GRK4: variants seen among roughly 807,000 people sequenced by gnomAD.
The protein encoded by GRK4 is G protein-coupled receptor kinase 2-like.
A neutral mutation model predicts 77.9 loss-of-function variants in GRK4; 73 were observed. The ratio of observed to expected loss-of-function variants is 0.94; its 90% CI spans 0.78 to 1.14. The LOEUF (loss-of-function observed/expected upper bound fraction) is 1.14, where lower values mean the gene tolerates loss of function less well. GRK4 is among the 50% of genes most tolerant of loss of function. The probability of loss-of-function intolerance (pLI) is 0.00; values close to 1 mark genes in which losing one functional copy is unlikely to be tolerated. For synonymous variants in GRK4, 257 were observed against 254.4 expected (o/e 1.01, Z -0.10); for missense variants, 729 against 700.2 (o/e 1.04, Z -0.46).
At chr4:3,015,814 C>T (rs1734292543) in intron 8 of GRK4, among the ~76,000 whole-genome samples, 1 of 151,892 alleles carries the variant, frequency 6.6e-6, no homozygotes, top group Non-Finnish European at 1.5e-5. Flanking sequence ...TGGCTCATGC[C>T]TGTCATTTCA....
intron 3 of GRK4, among the ~76,000 whole-genome samples, chr4:2,990,220 A>G (rs890570169): frequency 6.7e-6 from 1 of 149,596 alleles, no homozygotes; most frequent in Non-Finnish European, 1.5e-5. Flanking sequence ...TGTTGCTAGA[A>G]TAAGGTGATT....
At chr4:3,022,318 G>A (rs928212755) in intron 9 of GRK4, 96 bp from the exon 10 acceptor site, 56 of 1,212,124 alleles carry the variant, frequency 4.6e-5, no homozygotes, top group South Asian at 3.0e-4. Context: ...GTTTTGCCGC[G>A]CTAGCCCTTG....
Position 3,038,499 on chromosome 4 carries a change from C to A in GRK4, c.1669C>A (p.Leu557Ile). Residue 557 changes from leucine to isoleucine, a missense_variant, in exon 15 of 16, where the codon CTC becomes ATC. Leu to Ile is a conservative substitution (Grantham distance 5). Coordinates refer to ENST00000398052, the MANE Select transcript of GRK4 (RefSeq NM_182982.3). The stretch of plus-strand genomic sequence containing the variant: ...ACCAAACAGAGGCTTCTTCTATAGA[C>A]TCTTCAGAAGAGGGGTAAAAAGACT... ...SRPNRGFFYRLFRRGGCLTMV... is the reference protein window; with the variant it reads ...SRPNRGFFYRIFRRGGCLTMV... 1 of 1,613,332 alleles carries A rather than the reference C, an allele frequency of 6.2e-7. No individual in the cohort carries two copies. The highest frequency in any genetic ancestry group is 8.5e-7 in the Non-Finnish European group (1 of 1,179,912).
chr4:2,979,648 G>A (rs1031909375), intron 1 of GRK4, among the ~76,000 whole-genome samples: 26 of 152,176 alleles, frequency 1.7e-4, no homozygotes, highest in African/African-American at 6.3e-4. Context: ...AGTAGGCGGA[G>A]GTTGTGGTGA....
intron 1 of GRK4, among the ~76,000 whole-genome samples, chr4:2,975,838 TG>T (rs1214029832): frequency 6.6e-6 from 1 of 152,190 alleles, no homozygotes; most frequent in Non-Finnish European, 1.5e-5. Context: ...AATTTATAGG[TG>T]GCCATTGGTT....
In GRK4 at chr4:3,009,710, A is replaced by T. The variant is rs1167880664; in HGVS notation, c.599A>T (p.Glu200Val). The change falls in exon 7 of 16, where the codon GAG becomes GTG. Residue 200 changes from glutamate (E) to valine (V), a missense_variant and splice_region_variant. Transcript: ENST00000398052. ...YRVLGKGGFG[E>V]VCACQVRATG... ...GTTCTAGGAAAAGGCGGATTTGGAG[A>T]GGTGAGTAACGGGAGCCAGTTCATA... 1 of 1,613,190 alleles carries T rather than the reference A, an allele frequency of 6.2e-7. No individual in the cohort carries two copies. Among genetic ancestry groups the T allele is most frequent in the Non-Finnish European group, 8.5e-7 (1 of 1,179,212 alleles).
intron 4 of GRK4, among the ~76,000 whole-genome samples, chr4:3,002,925 A>T (rs752540683): frequency 1.3e-5 from 2 of 152,006 alleles, no homozygotes; most frequent in African/African-American, 2.4e-5. Context: ...TAATTGTGAT[A>T]AAAAAACACG....
chr4:3,015,068 C>A (rs1734045436), intron 8 of GRK4, among the ~76,000 whole-genome samples: 1 of 152,180 alleles, frequency 6.6e-6, no homozygotes, highest in African/African-American at 2.4e-5. Flanking sequence ...CAAATACCAC[C>A]TTCCCACCTT....
rs569816632 is a variant in GRK4, at chr4:3,031,707, A to G, written c.1269+2298A>G. On this transcript the variant is annotated intron_variant, in intron 12 of 15. Coordinates refer to ENST00000398052, the MANE Select transcript of GRK4 (RefSeq NM_182982.3). ...AGAAAGATGAGAGGGACGCTCAGAG[A>G]GGAAGCTGCTTGGAGTGGAGCTGAC... Among the ~76,000 whole-genome samples the G allele has an allele frequency of 7.4e-4, 113 of 152,294 alleles. 1 individual carries two copies. Among genetic ancestry groups the G allele is most frequent in the Middle Eastern group, 3.4e-3 (1 of 294 alleles).
intron 1 of GRK4, among the ~76,000 whole-genome samples, chr4:2,973,720 G>A (rs1012966657): frequency 3.3e-5 from 5 of 152,124 alleles, no homozygotes; most frequent in African/African-American, 9.7e-5. Flanking sequence ...CTGGAACACC[G>A]TGGTCAGCTT....
chr4:2,985,150 C>T (rs948558167), intron 2 of GRK4, among the ~76,000 whole-genome samples: 10 of 151,662 alleles, frequency 6.6e-5, no homozygotes, highest in African/African-American at 1.5e-4. Context: ...CAGTGGCTCA[C>T]GCCTGTAATC....
chr4:3,031,850 G>A (rs1406929075), intron 12 of GRK4, among the ~76,000 whole-genome samples: 2 of 152,204 alleles, frequency 1.3e-5, no homozygotes, highest in South Asian at 4.1e-4. Flanking sequence ...AAGCAGCCAG[G>A]CATAGGCCCC....
chr4:3,025,661 G>A (rs1362706762), intron 10 of GRK4, among the ~76,000 whole-genome samples: 1 of 151,830 alleles, frequency 6.6e-6, no homozygotes, highest in Non-Finnish European at 1.5e-5. Context: ...CAAAGTGCTG[G>A]GATTACAGGC....
At chr4:3,019,298 T>C (rs767129976) in intron 8 of GRK4, among the ~76,000 whole-genome samples, 26 of 152,326 alleles carry the variant, frequency 1.7e-4, no homozygotes, top group African/African-American at 6.0e-4. Flanking sequence ...GCATAGCTTA[T>C]GTGCTGAATG....
intron 12 of GRK4, among the ~76,000 whole-genome samples, chr4:3,033,152 G>T (rs2110071436): frequency 6.6e-6 from 1 of 152,316 alleles, no homozygotes; most frequent in East Asian, 1.9e-4. Context: ...GGAGGCTGAG[G>T]TGGGAGGATC....
rs547823103 is a variant in GRK4, at chr4:2,983,846, A to C, written c.53-667A>C. Among the ~76,000 whole-genome samples, 16 of 152,236 alleles carry C rather than the reference A, an allele frequency of 1.1e-4. No homozygotes were observed. In the East Asian group the frequency reaches 2.9e-3, roughly 28 times the overall value. On this transcript the variant is annotated intron_variant, in intron 1 of 15. Transcript: ENST00000398052. ...GCTAGAGGGGCCTCAGGAAACTTAC[A>C]ATCATGGTGAAAAGCGAAGGGGAAG...
chr4:3,001,843 G>A (rs1431223699), intron 4 of GRK4, among the ~76,000 whole-genome samples: 2 of 152,156 alleles, frequency 1.3e-5, no homozygotes, highest in South Asian at 2.1e-4. Context: ...TCCTCTGGTC[G>A]CTTGGCCCTA....
At chr4:2,982,680 C>A (rs1016412701) in intron 1 of GRK4, among the ~76,000 whole-genome samples, 1 of 152,182 alleles carries the variant, frequency 6.6e-6, no homozygotes, top group Admixed American at 6.5e-5. Flanking sequence ...AAGAACAGTT[C>A]TTATTTCAAC....
chr4:3,040,733 T>C lies in GRK4; in HGVS notation c.*108T>C, dbSNP rs571283788. 35 of 862,170 alleles carry C rather than the reference T, an allele frequency of 4.1e-5. No individual in the cohort carries two copies. The South Asian group carries it at 5.2e-4, about 13-fold the overall frequency. The allele number at this position is 862,170 out of a possible 1,614,324, so 53.4% of individuals were successfully genotyped here. The stretch of plus-strand genomic sequence containing the variant: ...AAATACATCTAAATAAAACATGCCT[T>C]GGGAGTGTACAGACCTTTCTGCACT... On this transcript the variant is annotated 3_prime_UTR_variant, in exon 16 of 16. Transcript: ENST00000398052.
Sources: gnomAD v4.1 joint callset for allele counts (sites outside exome capture counted in the v4.1 genomes callset) on GRCh38, gnomAD v4.1.1 for gene constraint, MANE v1.5 for transcripts, NCBI Gene and HGNC (gene_info 2026-07-23, HGNC 2026-07-21) for gene names.